Variants in PXDN observed in about 807,000 individuals in gnomAD.
PXDN encodes peroxidasin homolog.
A neutral mutation model predicts 140.3 loss-of-function variants in PXDN; 77 were observed. The observed-to-expected ratio is 0.55, with a 90% CI of 0.46 to 0.66. The LOEUF (loss-of-function observed/expected upper bound fraction) is 0.66. PXDN is among the 30% of genes least tolerant of loss of function. The pLI is 0.00. For synonymous variants in PXDN, 911 were observed against 857.4 expected, an observed-to-expected ratio of 1.06 and a Z score of -1.09; for missense variants, 1,838 against 2,039.5, an observed-to-expected ratio of 0.90 and a Z score of 1.90.
intron 1 of PXDN, among the ~76,000 whole-genome samples, chr2:1,719,286 G>C (rs1684963911): frequency 6.6e-6 from 1 of 152,166 alleles, no homozygotes; most frequent in Admixed American, 6.5e-5. Context: ...GACACCCCAT[G>C]GAGAAAGGCC....
At position 1,685,292 on chromosome 2, in the gene PXDN, G is replaced by C. The variant is rs1354613574; in HGVS notation, c.417-1141C>G. ...CTCCGCGCACGAATGGGAAACGTGA[G>C]GGAAGGAAAAACTGGAGCAGGAAGA... On this transcript the variant is annotated intron_variant, in intron 4 of 22. Transcript: ENST00000252804. The surrounding 1 kb of genome is among the most constrained non-coding windows in gnomAD (Gnocchi z 5.1). Among the ~76,000 whole-genome samples the C allele has an allele frequency of 6.6e-6, 1 of 152,248 alleles. No homozygotes were observed. The highest frequency in any genetic ancestry group is 1.5e-5 in the Non-Finnish European group (1 of 68,044).
chr2:1,675,532 C>T (rs1025893674), intron 8 of PXDN, among the ~76,000 whole-genome samples: 3 of 152,174 alleles, frequency 2.0e-5, no homozygotes, highest in Non-Finnish European at 4.4e-5. Context: ...CTGCACCTTA[C>T]AGGCTCCTTG....
intron 2 of PXDN, chr2:1,692,533 T>C (rs1415771772): frequency 2.1e-6 from 1 of 471,810 alleles, no homozygotes; most frequent in Non-Finnish European, 4.4e-6. Context: ...TCTTACACCG[T>C]TGTGCTCAGT....
intron 1 of PXDN, among the ~76,000 whole-genome samples, chr2:1,743,218 G>GGGACGGCCCGCA (rs1486129785): frequency 1.3e-5 from 2 of 152,184 alleles, no homozygotes; most frequent in Non-Finnish European, 2.9e-5. Context: ...ACCGTGACGC[G>GGGACGGCCCGCA]GGACGGCCCG....
At chr2:1,702,730 G>A (rs932533329) in intron 1 of PXDN, among the ~76,000 whole-genome samples, 1 of 151,686 alleles carries the variant, frequency 6.6e-6, no homozygotes, top group Non-Finnish European at 1.5e-5. Context: ...CCAGGTTCAA[G>A]CAATTCTCCT....
At chr2:1,699,548 A>C (rs1028377271) in intron 1 of PXDN, among the ~76,000 whole-genome samples, 1 of 152,058 alleles carries the variant, frequency 6.6e-6, no homozygotes, top group African/African-American at 2.4e-5. Context: ...GTTTCTATTA[A>C]AAATACAAAA....
At chr2:1,728,549 C>T (rs1161361959) in intron 1 of PXDN, among the ~76,000 whole-genome samples, 1 of 152,244 alleles carries the variant, frequency 6.6e-6, no homozygotes, top group African/African-American at 2.4e-5. Flanking sequence ...AAGCTGACAA[C>T]GGCCCTCTTG....
chr2:1,672,521 C>T (rs1014165741), intron 9 of PXDN, among the ~76,000 whole-genome samples: 2 of 152,214 alleles, frequency 1.3e-5, no homozygotes, highest in African/African-American at 4.8e-5. Context: ...TCTGCACAGG[C>T]CCACAGCATT....
chr2:1,728,471 C>T (rs990172503), intron 1 of PXDN, among the ~76,000 whole-genome samples: 11 of 152,228 alleles, frequency 7.2e-5, no homozygotes, highest in South Asian at 4.1e-4. Flanking sequence ...CCGCCATTAT[C>T]TGCGGACAGG....
rs1310060695 is a variant in PXDN at position 1,632,555 on chromosome 2, T to C, written c.*1649A>G. On this transcript the variant is annotated 3_prime_UTR_variant, in exon 23 of 23. Coordinates refer to ENST00000252804, the MANE Select transcript of PXDN (RefSeq NM_012293.3). The surrounding 1 kb of genome is among the most constrained non-coding windows in gnomAD (Gnocchi z 4.3). The stretch of plus-strand genomic sequence containing the variant: ...CAACCATTTTTACAGATAAAACACA[T>C]GAATCCAATGACCTTCCTCACAGCT... 3 of 152,176 alleles carry C rather than the reference T, an allele frequency of 2.0e-5. No homozygotes were observed. The highest frequency in any genetic ancestry group is 7.2e-5 in the African/African-American group (3 of 41,434). The allele number at this position is 152,176 out of a possible 1,614,324, so 9.4% of individuals were successfully genotyped here. A position where few individuals can be genotyped will look rare whatever the true frequency, so the allele number is the denominator to read the frequency against.
intron 1 of PXDN, among the ~76,000 whole-genome samples, chr2:1,724,413 C>T (rs1229038323): frequency 1.3e-5 from 2 of 148,838 alleles, no homozygotes; most frequent in African/African-American, 2.5e-5. Flanking sequence ...TAGAGTTGGT[C>T]ACATCTCAGA....
intron 1 of PXDN, among the ~76,000 whole-genome samples, chr2:1,712,168 T>C (rs1036326262): frequency 1.3e-5 from 2 of 152,206 alleles, no homozygotes; most frequent in Non-Finnish European, 2.9e-5. Flanking sequence ...GAAAGCTATT[T>C]ACAAAGAAGA....
intron 1 of PXDN, among the ~76,000 whole-genome samples, chr2:1,737,448 A>G (rs1685447745): frequency 2.0e-5 from 3 of 152,164 alleles, no homozygotes. Context: ...TGCATGAGTA[A>G]TCATTCCACT....
chr2:1,673,482 G>A (rs181909047), intron 9 of PXDN, among the ~76,000 whole-genome samples, 161 bp downstream of exon 9: 63 of 152,260 alleles, frequency 4.1e-4, no homozygotes, highest in South Asian at 8.3e-4. Flanking sequence ...GATCATCTAC[G>A]ACCCTGCGCT....
intron 1 of PXDN, among the ~76,000 whole-genome samples, chr2:1,705,305 G>A (rs1387655986): frequency 6.6e-6 from 1 of 152,186 alleles, no homozygotes. Context: ...GGTTGGGAGG[G>A]GTGAATGTAG....
At position 1,654,730 on chromosome 2, in the gene PXDN, TAAG is replaced by T. The variant is rs138790096; in HGVS notation, c.1838-225_1838-223del. On this transcript the variant is annotated intron_variant, in intron 14 of 22. Transcript: ENST00000252804. ...TTAGCTTTTGAAATCATGTTATACC[TAAG>T]AAGAAGACAGGAAGTAGTTATAATG... Among the ~76,000 whole-genome samples, 454 of 152,310 alleles carry T rather than the reference TAAG, an allele frequency of 3.0e-3. 4 individuals are homozygous for T. The highest frequency in any genetic ancestry group is 0.011 in the African/African-American group (437 of 41,552).
intron 1 of PXDN, among the ~76,000 whole-genome samples, chr2:1,722,782 G>T (rs1431906004): frequency 2.0e-5 from 3 of 152,360 alleles, no homozygotes; most frequent in East Asian, 3.9e-4. Flanking sequence ...CAGGGACAGG[G>T]CTGTGGCTCC....
chr2:1,656,761 G>C (rs1380675603), intron 14 of PXDN, among the ~76,000 whole-genome samples: 1 of 142,186 alleles, frequency 7.0e-6, no homozygotes, highest in African/African-American at 2.7e-5. Context: ...TCAGTACTGG[G>C]ATCTGTCCCC....
intron 1 of PXDN, among the ~76,000 whole-genome samples, chr2:1,694,506 G>A (rs988606216): frequency 5.9e-5 from 9 of 152,074 alleles, no homozygotes; most frequent in South Asian, 2.1e-4. Context: ...AGGGGAAGGC[G>A]GCCCCCCTCT....
Sources: gnomAD v4.1 joint callset for allele counts (sites outside exome capture counted in the v4.1 genomes callset) on GRCh38, gnomAD v4.1.1 for gene constraint, Gnocchi (gnomAD v3.1) non-coding constraint, MANE v1.5 for transcripts, NCBI Gene and HGNC (gene_info 2026-07-23, HGNC 2026-07-21) for gene names.